UBE3D: variants seen among roughly 807,000 people sequenced by gnomAD.
UBE3D encodes the protein E3 ubiquitin-protein ligase E3D.
A neutral mutation model predicts 49.6 loss-of-function variants in UBE3D; 48 were observed. The observed-to-expected ratio is 0.97, with a 90% CI of 0.77 to 1.23. The LOEUF (loss-of-function observed/expected upper bound fraction) is 1.23. UBE3D is among the 50% of genes most tolerant of loss of function. The pLI, the probability that UBE3D is intolerant of heterozygous loss-of-function variation, is 0.00. For synonymous variants in UBE3D, 189 were observed against 174.2 expected, an observed-to-expected ratio of 1.08 and a Z score of -0.67; for missense variants, 452 against 468.4, an observed-to-expected ratio of 0.96 and a Z score of 0.32.
At chr6:82,919,080 G>A (rs1364002826) in intron 9 of UBE3D, among the ~76,000 whole-genome samples, 1 of 151,958 alleles carries the variant, frequency 6.6e-6, no homozygotes, top group Non-Finnish European at 1.5e-5. Flanking sequence ...ATATGAGAGT[G>A]TCCACTTTCT....
chr6:82,973,871 C>T (rs973942229), intron 8 of UBE3D, among the ~76,000 whole-genome samples: 5 of 152,260 alleles, frequency 3.3e-5, no homozygotes, highest in Admixed American at 3.3e-4. Flanking sequence ...GCATTAGATT[C>T]TCATAAGAGC....
intron 5 of UBE3D, among the ~76,000 whole-genome samples, chr6:83,032,816 T>C (rs1048045968): frequency 6.6e-6 from 1 of 152,140 alleles, no homozygotes; most frequent in Non-Finnish European, 1.5e-5. Context: ...TCACAAGACC[T>C]GATGGTTTTA....
chr6:83,039,089 G>A (rs1301320297), intron 4 of UBE3D, among the ~76,000 whole-genome samples: 1 of 152,170 alleles, frequency 6.6e-6, no homozygotes, highest in Non-Finnish European at 1.5e-5. Context: ...ATCCAAATTC[G>A]CTATTTGAGA....
At chr6:82,982,623 T>C (rs1778192067) in intron 8 of UBE3D, among the ~76,000 whole-genome samples, 1 of 152,212 alleles carries the variant, frequency 6.6e-6, no homozygotes, top group African/African-American at 2.4e-5. Context: ...TCTAGAAGCT[T>C]GATCGGGTTT....
chr6:82,918,375 C>T (rs1479187237), intron 9 of UBE3D, among the ~76,000 whole-genome samples: 1 of 151,750 alleles, frequency 6.6e-6, no homozygotes, highest in Non-Finnish European at 1.5e-5. Context: ...TTTTCATGCT[C>T]TTCATATGTA....
chr6:83,000,275 C>T (rs1350046737), intron 8 of UBE3D, among the ~76,000 whole-genome samples: 1 of 152,194 alleles, frequency 6.6e-6, no homozygotes, highest in Non-Finnish European at 1.5e-5. Flanking sequence ...TTGCTATTCT[C>T]TCTTGAACAA....
At chr6:82,887,390 T>G (rs900723641), downstream of UBE3D, among the ~76,000 whole-genome samples, 2 of 86,192 alleles carry the variant, frequency 2.3e-5, no homozygotes, top group Non-Finnish European at 4.0e-5. Flanking sequence ...ACAGTAACAG[T>G]TTTTTTTTTT....
rs538744515 is a variant in UBE3D at position 83,059,282 on chromosome 6, A to G, written c.78-1260T>C. On this transcript the variant is annotated intron_variant, in intron 1 of 9. Coordinates refer to ENST00000369747, the MANE Select transcript of UBE3D (RefSeq NM_198920.3). ...CACGCACCTGTAGTCCTAGCCACTC[A>G]GGAGGCTGAGATGGGGAGGATCACT... Among the ~76,000 whole-genome samples, 10 of 152,264 alleles carry G rather than the reference A, an allele frequency of 6.6e-5. No individual in the cohort carries two copies. In the East Asian group the frequency reaches 1.9e-3, roughly 29 times the overall value.
At chr6:82,969,801 G>C (rs185394494) in intron 8 of UBE3D, among the ~76,000 whole-genome samples, 167 of 151,852 alleles carry the variant, frequency 1.1e-3, no homozygotes, top group African/African-American at 3.9e-3. Context: ...ATCCCAAAAG[G>C]GTTGGTTTTC....
chr6:82,890,901 G>A (rs1770967160), downstream of UBE3D, among the ~76,000 whole-genome samples: 1 of 151,980 alleles, frequency 6.6e-6, no homozygotes, highest in Non-Finnish European at 1.5e-5. Flanking sequence ...TTTTCCAGAG[G>A]GAGAAAAACT....
At chr6:82,901,645 CA>C (rs956504069) in intron 9 of UBE3D, among the ~76,000 whole-genome samples, 29 of 152,306 alleles carry the variant, frequency 1.9e-4, no homozygotes, top group African/African-American at 6.5e-4. Context: ...GACTCAAACA[CA>C]GGTCTTCTAA....
chr6:83,039,769 T>C (rs1456221387), intron 4 of UBE3D, among the ~76,000 whole-genome samples: 1 of 151,958 alleles, frequency 6.6e-6, no homozygotes, highest in Non-Finnish European at 1.5e-5. Context: ...TCAGCCTCCC[T>C]AGTAGCTGGG....
downstream of UBE3D, among the ~76,000 whole-genome samples, chr6:82,890,231 C>T (rs1770956029): frequency 6.6e-6 from 1 of 152,128 alleles, no homozygotes; most frequent in African/African-American, 2.4e-5. Flanking sequence ...CCCTGTGTCT[C>T]TTTGTTTCTG....
the UBE3D span, among the ~76,000 whole-genome samples, chr6:82,887,149 C>T: frequency 1.4e-5 from 2 of 141,464 alleles, no homozygotes; most frequent in East Asian, 4.0e-4. Context: ...ACTAAAAATA[C>T]CAAAAAAAAT....
At chr6:83,011,853 T>C (rs1273793180) in intron 8 of UBE3D, among the ~76,000 whole-genome samples, 1 of 152,062 alleles carries the variant, frequency 6.6e-6, no homozygotes, top group Non-Finnish European at 1.5e-5. Flanking sequence ...TGGTGAATGG[T>C]GCCACTTCCA....
chr6:82,928,891 G>T (rs891474922), intron 9 of UBE3D, among the ~76,000 whole-genome samples: 2 of 152,176 alleles, frequency 1.3e-5, no homozygotes, highest in East Asian at 3.9e-4. Context: ...TTCTAACAAA[G>T]ATATGCATAA....
intron 8 of UBE3D, among the ~76,000 whole-genome samples, chr6:82,999,270 G>A (rs1026016133): frequency 6.6e-6 from 1 of 152,150 alleles, no homozygotes; most frequent in Non-Finnish European, 1.5e-5. Flanking sequence ...CCTGAGGCTG[G>A]TCGGTCCACC....
At chr6:83,037,808 G>A (rs193265721) in intron 5 of UBE3D, 2 of 152,226 alleles carry the variant, frequency 1.3e-5, no homozygotes, top group East Asian at 3.9e-4. Context: ...TAGTATAACA[G>A]AGTTTACATA....
chr6:82,924,077 C>A (rs1582359867), intron 9 of UBE3D, among the ~76,000 whole-genome samples: 1 of 149,162 alleles, frequency 6.7e-6, no homozygotes. Flanking sequence ...TGCATATGCA[C>A]AAGCAGCGTA....
Sources: allele counts gnomAD v4.1 joint callset (sites outside exome capture counted in the v4.1 genomes callset), GRCh38; gene constraint gnomAD v4.1.1; transcripts MANE v1.5; gene names NCBI Gene and HGNC (gene_info 2026-07-23, HGNC 2026-07-21).